The following RSRC1 variants were observed in gnomAD, a reference collection of about 807,000 sequenced individuals.
RSRC1 encodes the protein serine/Arginine-related protein 53.
Under a neutral mutation model 49.1 loss-of-function variants are expected in RSRC1, and 39 were observed. The observed-to-expected ratio is 0.79, with a 90% confidence interval of 0.61 to 1.04. The LOEUF is 1.04. RSRC1 is among the 50% of genes least tolerant of loss of function. The pLI, the probability that RSRC1 is intolerant of heterozygous loss-of-function variation, is 0.00. For missense variants in RSRC1, 388 were observed against 402.4 expected (o/e 0.96, Z 0.31); for synonymous variants, 143 against 130.8 (o/e 1.09, Z -0.63).
chr3:158,343,558 T>C (rs1730371668), intron 5 of RSRC1, among the ~76,000 whole-genome samples: 1 of 152,230 alleles, frequency 6.6e-6, no homozygotes, highest in Non-Finnish European at 1.5e-5. Context: ...AGAGTTATTA[T>C]AACTGTATTG....
chr3:158,463,159 T>G (rs1449166182), intron 7 of RSRC1, among the ~76,000 whole-genome samples: 1 of 152,102 alleles, frequency 6.6e-6, no homozygotes, highest in Non-Finnish European at 1.5e-5. Flanking sequence ...TTAAGGGCTT[T>G]TCTAAGACAG....
intron 6 of RSRC1, among the ~76,000 whole-genome samples, chr3:158,379,421 C>T (rs970722732): frequency 6.6e-6 from 1 of 151,842 alleles, no homozygotes; most frequent in African/African-American, 2.4e-5. Context: ...AGGATGGTCT[C>T]GATCTCCTGA....
chr3:158,285,690 G>A (rs1433400431), intron 4 of RSRC1, among the ~76,000 whole-genome samples: 2 of 151,986 alleles, frequency 1.3e-5, no homozygotes, highest in African/African-American at 4.8e-5. Context: ...TTGGCTCTCT[G>A]TTTGTCTGTT....
At chr3:158,238,141 C>T (rs1360081656) in intron 4 of RSRC1, among the ~76,000 whole-genome samples, 1 of 151,976 alleles carries the variant, frequency 6.6e-6, no homozygotes, top group African/African-American at 2.4e-5. Context: ...AGTAAAATAC[C>T]CAGGAATCCA....
intron 3 of RSRC1, among the ~76,000 whole-genome samples, chr3:158,187,176 G>A (rs558469303): frequency 6.6e-6 from 1 of 151,910 alleles, no homozygotes; most frequent in East Asian, 1.9e-4. Context: ...CCCAACAGGA[G>A]AAAAATATCC....
At chr3:158,237,385 A>G (rs1452433591) in intron 4 of RSRC1, among the ~76,000 whole-genome samples, 3 of 152,178 alleles carry the variant, frequency 2.0e-5, no homozygotes, top group Admixed American at 2.0e-4. Flanking sequence ...TTGATAGTAA[A>G]GGTATGTTTC....
At chr3:158,458,427 G>A (rs74569862) in intron 6 of RSRC1, among the ~76,000 whole-genome samples, 64 of 151,958 alleles carry the variant, frequency 4.2e-4, no homozygotes, top group Non-Finnish European at 8.2e-4. Context: ...TACTAAAAAT[G>A]GCAAAAACCG....
chr3:158,196,218 C>A (rs1720603873), intron 3 of RSRC1, among the ~76,000 whole-genome samples: 1 of 151,844 alleles, frequency 6.6e-6, no homozygotes, highest in Non-Finnish European at 1.5e-5. Flanking sequence ...TCCTTCACAT[C>A]CCTTGTAAGT....
intron 4 of RSRC1, among the ~76,000 whole-genome samples, chr3:158,223,394 A>G (rs1452791246): frequency 6.6e-6 from 1 of 151,738 alleles, no homozygotes; most frequent in Non-Finnish European, 1.5e-5. Flanking sequence ...AGGCAAAATC[A>G]AAGATATTAT....
chr3:158,444,244 C>A (rs112616066), intron 6 of RSRC1, among the ~76,000 whole-genome samples: 2 of 152,130 alleles, frequency 1.3e-5, no homozygotes, highest in Admixed American at 6.6e-5. Flanking sequence ...ATCACACTAC[C>A]TGACTTCAAA....
At chr3:158,473,978 A>T (rs985469326) in intron 7 of RSRC1, among the ~76,000 whole-genome samples, 5 of 152,150 alleles carry the variant, frequency 3.3e-5, no homozygotes, top group Non-Finnish European at 5.9e-5. Flanking sequence ...AGTTAATGTA[A>T]ATTTACAGGT....
chr3:158,216,113 T>A, intron 4 of RSRC1, among the ~76,000 whole-genome samples: 1 of 151,562 alleles, frequency 6.6e-6, no homozygotes. Context: ...AGACATATAT[T>A]TTATTAGGTT....
intron 4 of RSRC1, among the ~76,000 whole-genome samples, chr3:158,281,012 C>T (rs112586768): frequency 1.3e-4 from 20 of 152,086 alleles, no homozygotes; most frequent in Admixed American, 3.3e-4. Context: ...AGTGAAACAA[C>T]GGCAGAAGTG....
chr3:158,284,308 C>T (rs557784790), intron 4 of RSRC1, among the ~76,000 whole-genome samples: 85 of 151,560 alleles, frequency 5.6e-4, no homozygotes, highest in African/African-American at 1.9e-3. Context: ...GACAGTTGGA[C>T]TGGTTCCAAG....
At chr3:158,517,755 ATTTTTTTTTTTTTTTTTTTT>A (rs766129663) in intron 7 of RSRC1, among the ~76,000 whole-genome samples, 5 of 35,196 alleles carry the variant, frequency 1.4e-4, no homozygotes, top group South Asian at 3.2e-3. Flanking sequence ...CACCCAGCTA[ATTTTTTTTTTTTTTTTTTTT>A]TTTTTTTTTT....
chr3:158,305,810 T>C (rs1458397765), intron 5 of RSRC1, among the ~76,000 whole-genome samples: 1 of 152,060 alleles, frequency 6.6e-6, no homozygotes, highest in Non-Finnish European at 1.5e-5. Flanking sequence ...AGTCAGAATA[T>C]TGTGATTTTA....
intron 5 of RSRC1, among the ~76,000 whole-genome samples, chr3:158,351,278 G>C (rs923381420): frequency 6.6e-6 from 1 of 152,180 alleles, no homozygotes; most frequent in Non-Finnish European, 1.5e-5. Flanking sequence ...AGAGGAAAAA[G>C]ACGACAGCCC....
intron 7 of RSRC1, among the ~76,000 whole-genome samples, chr3:158,519,418 G>A (rs1711539659): frequency 6.6e-6 from 1 of 151,812 alleles, no homozygotes; most frequent in African/African-American, 2.4e-5. Context: ...CAGACTGAGT[G>A]CTCTGGGAAG....
chr3:158,474,580 G>A (rs1324217478), intron 7 of RSRC1, among the ~76,000 whole-genome samples: 1 of 152,178 alleles, frequency 6.6e-6, no homozygotes, highest in Non-Finnish European at 1.5e-5. Context: ...TACAGCACAT[G>A]ATGCTGTTGG....
Sources: gnomAD v4.1 joint callset for allele counts (sites outside exome capture counted in the v4.1 genomes callset) on GRCh38, gnomAD v4.1.1 for gene constraint, MANE v1.5 for transcripts, NCBI Gene and HGNC (gene_info 2026-07-23, HGNC 2026-07-21) for gene names.